Variants in ADGRL3 observed in about 807,000 individuals in gnomAD.
The protein encoded by ADGRL3 is calcium-independent alpha-latrotoxin receptor 3.
Under a neutral mutation model 153.5 loss-of-function variants are expected in ADGRL3, and 62 were observed. That is an observed-to-expected ratio of 0.40 (90% CI 0.33 to 0.50). ADGRL3 has a LOEUF of 0.50. ADGRL3 is among the 20% of genes least tolerant of loss of function. The pLI is 0.47. For synonymous variants in ADGRL3, 710 were observed against 672.5 expected, an observed-to-expected ratio of 1.06 and a Z score of -0.86; for missense variants, 1,641 against 1,859.4, an observed-to-expected ratio of 0.88 and a Z score of 2.16.
chr4:61,466,506 A>G (rs967105241), intron 2 of ADGRL3, among the ~76,000 whole-genome samples: 1 of 152,216 alleles, frequency 6.6e-6, no homozygotes, highest in African/African-American at 2.4e-5. Flanking sequence ...AAATCAGATT[A>G]TGCATGAATG....
chr4:61,843,662 A>T (rs553100250), intron 9 of ADGRL3, among the ~76,000 whole-genome samples: 1 of 152,246 alleles, frequency 6.6e-6, no homozygotes, highest in South Asian at 2.1e-4. Context: ...GTTATTTTGG[A>T]TTTTCTGTCA....
chr4:61,832,864 G>T (rs2097889042), intron 9 of ADGRL3, among the ~76,000 whole-genome samples: 1 of 143,174 alleles, frequency 7.0e-6, no homozygotes, highest in Non-Finnish European at 1.5e-5. Context: ...TCTTATCATA[G>T]CTCACTGCAC....
intron 1 of ADGRL3, among the ~76,000 whole-genome samples, chr4:61,267,290 A>T (rs1263707805): frequency 6.6e-6 from 1 of 151,746 alleles, no homozygotes; most frequent in East Asian, 1.9e-4. Context: ...GCTGCAACTT[A>T]GCAGGAATAA....
At chr4:61,496,458 G>A (rs1417303414) in intron 2 of ADGRL3, among the ~76,000 whole-genome samples, 1 of 151,612 alleles carries the variant, frequency 6.6e-6, no homozygotes, top group East Asian at 2.0e-4. Flanking sequence ...GAGGTCGGGA[G>A]TTCAAGACCA....
intron 8 of ADGRL3, among the ~76,000 whole-genome samples, chr4:61,748,316 T>G (rs2096700859): frequency 6.6e-6 from 1 of 152,170 alleles, no homozygotes; most frequent in Non-Finnish European, 1.5e-5. Context: ...GCTATCCCCA[T>G]CAAGCTACCA....
At chr4:62,007,105 T>C (rs1354228085) in intron 21 of ADGRL3, among the ~76,000 whole-genome samples, 3 of 151,682 alleles carry the variant, frequency 2.0e-5, no homozygotes, top group Admixed American at 6.6e-5. Context: ...ATATCCTTTC[T>C]TGGTTGCATT....
At chr4:61,442,113 C>A (rs1044127713) in intron 2 of ADGRL3, among the ~76,000 whole-genome samples, 6 of 152,112 alleles carry the variant, frequency 3.9e-5, no homozygotes, top group African/African-American at 1.4e-4. Flanking sequence ...GCTTAGAATG[C>A]AAGCTATTCA....
chr4:61,815,887 C>T (rs565182670), intron 9 of ADGRL3, among the ~76,000 whole-genome samples: 6 of 152,296 alleles, frequency 3.9e-5, no homozygotes, highest in African/African-American at 7.2e-5. Flanking sequence ...CAGCCCCTGA[C>T]GATGGGCTTC....
chr4:61,403,615 T>C (rs933398106), intron 2 of ADGRL3, among the ~76,000 whole-genome samples: 14 of 152,070 alleles, frequency 9.2e-5, no homozygotes, highest in African/African-American at 3.4e-4. Context: ...TAATCAACTG[T>C]GGAACAATTT....
intron 2 of ADGRL3, among the ~76,000 whole-genome samples, chr4:61,477,751 C>T: frequency 6.6e-6 from 1 of 152,026 alleles, no homozygotes; most frequent in East Asian, 1.9e-4. Context: ...TACATCCTGC[C>T]ATAATGTGAT....
chr4:61,509,450 A>C (rs1403234458), intron 3 of ADGRL3, among the ~76,000 whole-genome samples: 1 of 151,962 alleles, frequency 6.6e-6, no homozygotes, highest in Non-Finnish European at 1.5e-5. Context: ...TAATGTCCAT[A>C]AGTTTCAATG....
Position 61,615,999 on chromosome 4 carries a change from G to A in ADGRL3, c.473+28559G>A, listed in dbSNP as rs1205655440. On this transcript the variant is annotated intron_variant, in intron 5 of 26. Transcript: ENST00000683033. ...AAGAACATACATTTCAATAAAACTG[G>A]CTATTTCGTTAGATTCAAGGGAAAA... Among the ~76,000 whole-genome samples, 5 of 152,124 alleles carry A rather than the reference G, an allele frequency of 3.3e-5. No individual in the cohort carries two copies. In the South Asian group the frequency reaches 1.0e-3, roughly 32 times the overall value.
intron 26 of ADGRL3, among the ~76,000 whole-genome samples, chr4:62,068,392 AGTT>A (rs1368816143): frequency 4.6e-5 from 7 of 152,300 alleles, no homozygotes; most frequent in South Asian, 4.1e-4. Context: ...TAATCAACAT[AGTT>A]GTTAAGTTTC....
chr4:61,764,939 A>G (rs1283260736), intron 8 of ADGRL3, among the ~76,000 whole-genome samples: 2 of 151,780 alleles, frequency 1.3e-5, no homozygotes, highest in Non-Finnish European at 2.9e-5. Context: ...ATGATTGGTG[A>G]TGGCCTGGAT....
rs2271337 is a variant in ADGRL3, at chr4:61,979,532, G to A, written c.2806-31G>A. 174 of 1,589,610 alleles carry A rather than the reference G, an allele frequency of 1.1e-4. 1 individual carries two copies. The East Asian group carries it at 2.8e-3, about 26-fold the overall frequency. On this transcript the variant is annotated intron_variant, in intron 17 of 26. Transcript: ENST00000683033. The stretch of plus-strand genomic sequence containing the variant: ...ACTTTGTAATTGGTTATGCATAAGC[G>A]CAACTTATGGCTTTTTCATTGTGTT...
At chr4:61,240,019 A>C (rs1017210238) in intron 1 of ADGRL3, among the ~76,000 whole-genome samples, 1 of 152,084 alleles carries the variant, frequency 6.6e-6, no homozygotes, top group African/African-American at 2.4e-5. Flanking sequence ...TCTGCTTTAC[A>C]AAATATCTGA....
intron 2 of ADGRL3, among the ~76,000 whole-genome samples, chr4:61,440,657 A>G (rs2097518579): frequency 2.2e-5 from 3 of 139,490 alleles, no homozygotes; most frequent in African/African-American, 7.8e-5. Flanking sequence ...TGTCTGAAAA[A>G]TGTAAGATCA....
At chr4:61,890,122 C>T (rs2098564160) in intron 9 of ADGRL3, among the ~76,000 whole-genome samples, 1 of 152,108 alleles carries the variant, frequency 6.6e-6, no homozygotes, top group East Asian at 1.9e-4. Context: ...TCCATTTTTA[C>T]ATGATCAAAC....
At chr4:61,409,058 C>T (rs550423936) in intron 2 of ADGRL3, among the ~76,000 whole-genome samples, 92 of 150,732 alleles carry the variant, frequency 6.1e-4, no homozygotes, top group Middle Eastern at 3.4e-3. Context: ...CATATTCTGC[C>T]CCAGGACTAT....
Sources: allele counts gnomAD v4.1 joint callset (sites outside exome capture counted in the v4.1 genomes callset), GRCh38; gene constraint gnomAD v4.1.1; transcripts MANE v1.5; gene names NCBI Gene and HGNC (gene_info 2026-07-23, HGNC 2026-07-21).